B4GALNT2: variants seen among roughly 807,000 people sequenced by gnomAD.
The protein encoded by B4GALNT2 is beta-1,4-N-acetyl-galactosaminyltransferase 2 (SID blood group).
A neutral mutation model predicts 51.1 loss-of-function variants in B4GALNT2; 42 were observed. The ratio of observed to expected loss-of-function variants is 0.82; its 90% CI spans 0.64 to 1.06. The LOEUF (loss-of-function observed/expected upper bound fraction) is 1.06. B4GALNT2 is among the 50% of genes least tolerant of loss of function. The pLI is 0.00. For synonymous variants in B4GALNT2, 253 were observed against 251.7 expected, an observed-to-expected ratio of 1.01 and a Z score of -0.05; for missense variants, 602 against 633.6, an observed-to-expected ratio of 0.95 and a Z score of 0.54.
intron 8 of B4GALNT2, among the ~76,000 whole-genome samples, 175 bp downstream of exon 8, chr17:49,164,450 G>T (rs1598215895): frequency 1.3e-5 from 2 of 151,566 alleles, no homozygotes; most frequent in South Asian, 2.1e-4. Flanking sequence ...CAGAGAAATT[G>T]GTCACCCTCA....
At chr17:49,141,662 C>T (rs1381105622) in intron 2 of B4GALNT2, among the ~76,000 whole-genome samples, 5 of 152,194 alleles carry the variant, frequency 3.3e-5, no homozygotes, top group African/African-American at 7.2e-5. Flanking sequence ...TTAAAACTTT[C>T]GAGAGCATGT....
chr17:49,143,083 T>C (rs1351494021), intron 3 of B4GALNT2, among the ~76,000 whole-genome samples: 1 of 152,020 alleles, frequency 6.6e-6, no homozygotes, highest in East Asian at 1.9e-4. Context: ...ACCCCATCTC[T>C]ACTAAAAATA....
chr17:49,167,608 CTTT>C (rs34497598), intron 9 of B4GALNT2, among the ~76,000 whole-genome samples: 4 of 115,056 alleles, frequency 3.5e-5, no homozygotes, highest in African/African-American at 1.0e-4. Flanking sequence ...CTCACCTACT[CTTT>C]TTTTTTTTTT....
the B4GALNT2 span, among the ~76,000 whole-genome samples, chr17:49,126,202 C>T: frequency 6.6e-6 from 1 of 152,120 alleles, no homozygotes; most frequent in Non-Finnish European, 1.5e-5. Context: ...GACCTTACCC[C>T]CAACCCTGTG....
chr17:49,160,483 GCTT>G, intron 6 of B4GALNT2, 69 bp from the exon 7 acceptor site: 1 of 1,423,684 alleles, frequency 7.0e-7, no homozygotes, highest in South Asian at 1.1e-5. Flanking sequence ...TGTCATGGTG[GCTT>G]CCCGGGGTGG....
intron 1 of B4GALNT2, chr17:49,133,315 A>G (rs2042558655): frequency 7.2e-7 from 1 of 1,381,686 alleles, no homozygotes; most frequent in African/African-American, 1.5e-5. Context: ...GTCAGGGAAA[A>G]GTCGGTTTTC....
intron 3 of B4GALNT2, among the ~76,000 whole-genome samples, chr17:49,150,513 G>A (rs2042742693): frequency 2.6e-5 from 4 of 152,022 alleles, no homozygotes; most frequent in Non-Finnish European, 5.9e-5. Flanking sequence ...TTGAGAAATC[G>A]GATGGTTGCC....
intron 3 of B4GALNT2, chr17:49,148,367 C>T (rs1051917528): frequency 1.1e-5 from 4 of 358,750 alleles, no homozygotes; most frequent in African/African-American, 2.2e-5. Flanking sequence ...ACATCCACAA[C>T]CAAATCTGCC....
At chr17:49,169,496 T>A (rs1231844931) in intron 10 of B4GALNT2, 27 bp from the exon 11 acceptor site, 1 of 1,601,958 alleles carries the variant, frequency 6.2e-7, no homozygotes, top group Admixed American at 1.7e-5. Context: ...CAGCTCCCAC[T>A]TCCTTCTGCT....
the B4GALNT2 span, among the ~76,000 whole-genome samples, chr17:49,121,045 C>A: frequency 6.6e-6 from 1 of 152,204 alleles, no homozygotes; most frequent in East Asian, 1.9e-4. Context: ...AAGAGCTGAC[C>A]CCTCATCTTT....
chr17:49,124,505 T>C, the B4GALNT2 span, among the ~76,000 whole-genome samples: 1 of 152,228 alleles, frequency 6.6e-6, no homozygotes, highest in East Asian at 1.9e-4. Flanking sequence ...ACAATTATAA[T>C]TACTACTGAT....
At chr17:49,120,509 T>C in the B4GALNT2 span, among the ~76,000 whole-genome samples, 3 of 151,636 alleles carry the variant, frequency 2.0e-5, no homozygotes, top group African/African-American at 7.3e-5. Context: ...TGTGTGTGTG[T>C]GTGTGTGTGT....
chr17:49,150,295 TG>T lies in B4GALNT2; in HGVS notation c.354-2497del, dbSNP rs1213822342. Among the ~76,000 whole-genome samples, 140 of 17,060 alleles carry T rather than the reference TG, an allele frequency of 8.2e-3. 4 individuals carry two copies. The highest frequency in any genetic ancestry group is 0.03 in the African/African-American group (112 of 3,750). 11.2% of individuals were successfully genotyped at this position (17,060 alleles called of 152,430 possible). On this transcript the variant is annotated intron_variant, in intron 3 of 10. Transcript: ENST00000393354. ...CCAGCCGCCCCGTCTGGGAGGGAGG[TG>T]GGGGGGGTCAGCCCCCCCCGCCTGG...
chr17:49,137,306 C>T (rs144081854), intron 1 of B4GALNT2, among the ~76,000 whole-genome samples: 6 of 152,270 alleles, frequency 3.9e-5, no homozygotes, highest in Admixed American at 2.0e-4. Flanking sequence ...GTGATGAGGC[C>T]GGAAGGGCTC....
the B4GALNT2 span, among the ~76,000 whole-genome samples, chr17:49,126,433 C>G: frequency 6.6e-6 from 1 of 151,084 alleles, no homozygotes; most frequent in African/African-American, 2.4e-5. Flanking sequence ...CTGACCTTCC[C>G]TCCACTATTG....
chr17:49,153,792 G>A (rs1368451452), intron 4 of B4GALNT2, among the ~76,000 whole-genome samples: 1 of 151,982 alleles, frequency 6.6e-6, no homozygotes, highest in Admixed American at 6.6e-5. Flanking sequence ...ACAGGCATGA[G>A]CCACCGCGCC....
intron 3 of B4GALNT2, among the ~76,000 whole-genome samples, chr17:49,150,743 T>C (rs1038070124): frequency 1.2e-4 from 18 of 150,580 alleles, no homozygotes; most frequent in South Asian, 2.1e-4. Flanking sequence ...TTAAGAGTCA[T>C]CACCACTCCC....
rs766944146 is a variant in B4GALNT2, at chr17:49,142,024, GC to G, written c.216-10del. On this transcript the variant is annotated splice_polypyrimidine_tract_variant and intron_variant, in intron 2 of 10. Transcript: ENST00000393354. ...CCCAATCCATGTTTACAGTCCTCTT[GC>G]TTGTTTCAGGCTGTTCCCGAAAAAT... The G allele has an allele frequency of 4.6e-5, 75 of 1,613,806 alleles. No homozygotes were observed. The highest frequency in any genetic ancestry group is 6.1e-5 in the Non-Finnish European group (72 of 1,180,024).
rs1322228160 is a variant in B4GALNT2 at position 49,175,481 on chromosome 17, A to T, written c.*5753A>T. 2.6e-5 allele frequency: 4 copies of T among 152,234 alleles called. No individual in the cohort carries two copies. Among genetic ancestry groups the T allele is most frequent in the Non-Finnish European group, 4.4e-5 (3 of 68,042 alleles). 9.4% of individuals were successfully genotyped at this position (152,234 alleles called of 1,614,324 possible). On this transcript the variant is annotated 3_prime_UTR_variant, in exon 11 of 11. Coordinates refer to ENST00000393354, the MANE Select transcript of B4GALNT2 (RefSeq NM_001159387.2). The stretch of plus-strand genomic sequence containing the variant: ...CTTGCACTCCTTTTAAATTTAAACT[A>T]GATCTACCTAGAAGTAATCCTATCA...
Sources: allele counts gnomAD v4.1 joint callset (sites outside exome capture counted in the v4.1 genomes callset), GRCh38; gene constraint gnomAD v4.1.1; transcripts MANE v1.5; gene names NCBI Gene and HGNC (gene_info 2026-07-23, HGNC 2026-07-21).